The following SORCS1 variants were observed in gnomAD, a reference collection of about 807,000 sequenced individuals.
SORCS1 encodes the protein sortilin related VPS10 domain containing receptor 1.
SORCS1 carries 60 observed loss-of-function variants against 146.1 expected under a neutral mutation model. That is an observed-to-expected ratio of 0.41 (90% CI 0.33 to 0.51). The LOEUF (loss-of-function observed/expected upper bound fraction) is 0.51, where lower values mean the gene tolerates loss of function less well. Among genes scored for constraint, SORCS1 ranks in the 20% least tolerant of loss-of-function variants. The pLI is 0.21. For missense variants in SORCS1, 1,352 were observed against 1,487.6 expected, an observed-to-expected ratio of 0.91 and a Z score of 1.50; for synonymous variants, 637 against 584.0, an observed-to-expected ratio of 1.09 and a Z score of -1.31.
intron 24 of SORCS1, among the ~76,000 whole-genome samples, chr10:106,587,977 A>G (rs1845346913): frequency 6.6e-6 from 1 of 152,374 alleles, no homozygotes; most frequent in East Asian, 1.9e-4. Flanking sequence ...TGGAAAGCCC[A>G]GCGTAGGGCA....
At chr10:106,738,197 GGATCCTTATCTTT>G (rs1382211333) in intron 5 of SORCS1, among the ~76,000 whole-genome samples, 4 of 152,116 alleles carry the variant, frequency 2.6e-5, no homozygotes, top group Non-Finnish European at 5.9e-5. Flanking sequence ...ATAGTCAAAG[GGATCCTTATCTTT>G]ATCAGTAATT....
intron 2 of SORCS1, among the ~76,000 whole-genome samples, chr10:106,881,612 AC>A (rs1255846805): frequency 1.3e-5 from 2 of 152,222 alleles, no homozygotes; most frequent in Non-Finnish European, 2.9e-5. Flanking sequence ...TAAAACTGGA[AC>A]CTATTATCTA....
chr10:107,043,348 T>G (rs187547105), intron 1 of SORCS1, among the ~76,000 whole-genome samples: 78 of 152,122 alleles, frequency 5.1e-4, no homozygotes, highest in African/African-American at 1.7e-3. Context: ...AACCTGCAGG[T>G]TTTATGTTGG....
chr10:106,589,552 G>A (rs1845467062), intron 24 of SORCS1, among the ~76,000 whole-genome samples: 1 of 152,134 alleles, frequency 6.6e-6, no homozygotes, highest in African/African-American at 2.4e-5. Context: ...GTAAATTAAA[G>A]CTCATAGTTG....
chr10:106,841,208 G>A (rs1047326310), intron 2 of SORCS1, among the ~76,000 whole-genome samples: 4 of 152,108 alleles, frequency 2.6e-5, no homozygotes, highest in African/African-American at 7.2e-5. Context: ...AGTGGCTCAC[G>A]CCTGTAATGC....
chr10:106,731,245 A>G (rs1332511958), intron 5 of SORCS1, among the ~76,000 whole-genome samples: 1 of 143,754 alleles, frequency 7.0e-6, no homozygotes, highest in African/African-American at 2.6e-5. Flanking sequence ...GTGAGCCGAG[A>G]TCGCACCACT....
chr10:107,050,114 C>G (rs906234506), intron 1 of SORCS1, among the ~76,000 whole-genome samples: 1 of 152,168 alleles, frequency 6.6e-6, no homozygotes, highest in African/African-American at 2.4e-5. Context: ...TAACCCTTAA[C>G]TTTAAAAATT....
intron 14 of SORCS1, among the ~76,000 whole-genome samples, chr10:106,673,928 A>G (rs1851804650): frequency 6.6e-6 from 1 of 152,180 alleles, no homozygotes; most frequent in Admixed American, 6.5e-5. Flanking sequence ...AAGACAAATT[A>G]TGGAATGCAT....
At chr10:106,599,769 C>CTTTTT (rs548263701) in intron 23 of SORCS1, among the ~76,000 whole-genome samples, 1 of 144,098 alleles carries the variant, frequency 6.9e-6, no homozygotes, top group Non-Finnish European at 1.5e-5. Context: ...TTCTTTCTTT[C>CTTTTT]TTTTTTTTTT....
intron 19 of SORCS1, among the ~76,000 whole-genome samples, chr10:106,622,252 T>G (rs1432267915): frequency 7.8e-6 from 1 of 127,494 alleles, no homozygotes; most frequent in Non-Finnish European, 1.5e-5. Flanking sequence ...ATCACACCAC[T>G]GCACTCCAGC....
chr10:106,808,862 G>C (rs903715258), intron 3 of SORCS1, among the ~76,000 whole-genome samples: 2 of 152,066 alleles, frequency 1.3e-5, no homozygotes, highest in African/African-American at 4.8e-5. Flanking sequence ...AAAACCAGAG[G>C]ACTCCACTAC....
intron 19 of SORCS1, 121 bp from the exon 20 acceptor site, chr10:106,620,682 C>T (rs77212535): frequency 0.075 from 93,391 of 1,236,990 alleles, 4,116 homozygotes; most frequent in East Asian, 0.2. Flanking sequence ...GCCATATTCC[C>T]CAAAAGAAGT....
At position 106,989,680 on chromosome 10, in the gene SORCS1, G is replaced by GTT. The variant is rs761689988; in HGVS notation, c.559-33102_559-33101dup. 2.4e-3 allele frequency among the ~76,000 whole-genome samples: 167 copies of GTT among 70,342 alleles called. 8 individuals are homozygous for GTT. The highest frequency in any genetic ancestry group is 7.9e-3 in the African/African-American group (147 of 18,694). The allele number at this position is 70,342 out of a possible 152,430, so 46.1% of individuals were successfully genotyped here. ...ACTCATATTTTTTCTGTTTTTTTTT[G>GTT]TTTTTTTTTTTTTTTTTTTTTTCTG... On this transcript the variant is annotated intron_variant, in intron 1 of 25. Transcript: ENST00000263054.
intron 10 of SORCS1, among the ~76,000 whole-genome samples, chr10:106,685,244 C>T (rs1852739439): frequency 6.6e-6 from 1 of 152,128 alleles, no homozygotes; most frequent in Non-Finnish European, 1.5e-5. Flanking sequence ...CGATGGAGTG[C>T]ACACTCCCAA....
chr10:106,783,075 A>G (rs1209140141), intron 3 of SORCS1, among the ~76,000 whole-genome samples: 4 of 152,164 alleles, frequency 2.6e-5, no homozygotes, highest in Non-Finnish European at 5.9e-5. Flanking sequence ...CTTCTCTGCT[A>G]TTATCAGTTG....
intron 14 of SORCS1, among the ~76,000 whole-genome samples, chr10:106,674,779 T>C (rs1304334258): frequency 6.6e-6 from 1 of 152,220 alleles, no homozygotes; most frequent in African/African-American, 2.4e-5. Flanking sequence ...AGGTTCTTTA[T>C]TACTGAAGTT....
At chr10:106,835,655 C>T (rs1338723304) in intron 2 of SORCS1, among the ~76,000 whole-genome samples, 1 of 152,186 alleles carries the variant, frequency 6.6e-6, no homozygotes, top group Non-Finnish European at 1.5e-5. Flanking sequence ...ATTCCACACT[C>T]TGCTTCTATA....
chr10:107,053,829 T>C (rs1960353548), intron 1 of SORCS1, among the ~76,000 whole-genome samples: 2 of 152,210 alleles, frequency 1.3e-5, no homozygotes, highest in African/African-American at 2.4e-5. Flanking sequence ...GTTTACCTCC[T>C]GCTGCACACA....
intron 5 of SORCS1, among the ~76,000 whole-genome samples, chr10:106,740,344 C>T (rs1466086588): frequency 2.0e-5 from 3 of 152,100 alleles, no homozygotes; most frequent in Non-Finnish European, 2.9e-5. Context: ...TAATATTTAA[C>T]ACCAGGCATG....
Sources: allele counts gnomAD v4.1 joint callset (sites outside exome capture counted in the v4.1 genomes callset), GRCh38; gene constraint gnomAD v4.1.1; transcripts MANE v1.5; gene names NCBI Gene and HGNC (gene_info 2026-07-23, HGNC 2026-07-21).